The following SLC9A9 variants were observed in gnomAD, a reference collection of about 807,000 sequenced individuals.
The protein encoded by SLC9A9 is sodium/hydrogen exchanger 9.
Under a neutral mutation model 77.8 loss-of-function variants are expected in SLC9A9, and 62 were observed. The observed-to-expected ratio is 0.80, with a 90% confidence interval of 0.65 to 0.98. The LOEUF is 0.98. SLC9A9 is among the 50% of genes least tolerant of loss of function. SLC9A9 has a pLI of 0.00. For missense variants in SLC9A9, 775 were observed against 774.9 expected (o/e 1.00, Z 0.00); for synonymous variants, 320 against 283.5 (o/e 1.13, Z -1.29).
At chr3:143,403,915 G>T (rs542578047) in intron 12 of SLC9A9, among the ~76,000 whole-genome samples, 1 of 151,778 alleles carries the variant, frequency 6.6e-6, no homozygotes, top group Non-Finnish European at 1.5e-5. Flanking sequence ...ATTTTTTTCT[G>T]CCCTTTCTCT....
chr3:143,693,233 T>A lies in SLC9A9; in HGVS notation c.608A>T (p.Asp203Val). 1 of 1,613,224 alleles carries A rather than the reference T, an allele frequency of 6.2e-7. No homozygotes were observed. The highest frequency in any genetic ancestry group is 8.5e-7 in the Non-Finnish European group (1 of 1,179,520). The change falls in exon 5 of 16, where the codon GAC (aspartate) becomes GTC (valine). Residue 203 changes from aspartate (D) to valine (V), a missense_variant. Transcript: ENST00000316549. ...QLKNGDFHFT[D>V]CLFFGSLMSA... ...CATCAGTGAACCAAAAAATAAACAGTCAGTGAAATGAAAGTCTCCATTTTT... is the reference window on the plus strand; with the variant it reads ...CATCAGTGAACCAAAAAATAAACAGACAGTGAAATGAAAGTCTCCATTTTT...
chr3:143,466,901 A>G, intron 12 of SLC9A9, 136 bp downstream of exon 12: 1 of 1,081,734 alleles, frequency 9.2e-7, no homozygotes, highest in Non-Finnish European at 1.4e-6. Context: ...TCACCTTATG[A>G]GTGAAGGTCA....
chr3:143,556,560 A>G (rs567142663), intron 8 of SLC9A9, among the ~76,000 whole-genome samples: 1 of 152,218 alleles, frequency 6.6e-6, no homozygotes, highest in South Asian at 2.1e-4. Context: ...TCTGGATCCT[A>G]GCCCAGTGGT....
chr3:143,741,830 T>C (rs763769285), intron 4 of SLC9A9, among the ~76,000 whole-genome samples: 3 of 152,166 alleles, frequency 2.0e-5, no homozygotes, highest in Non-Finnish European at 4.4e-5. Flanking sequence ...CTTAACTGAC[T>C]CCATCTTTCT....
At chr3:143,698,828 T>C (rs977406543) in intron 4 of SLC9A9, among the ~76,000 whole-genome samples, 1 of 152,158 alleles carries the variant, frequency 6.6e-6, no homozygotes, top group Non-Finnish European at 1.5e-5. Context: ...ACCAGTCCCA[T>C]TAACTGTCAG....
intron 14 of SLC9A9, among the ~76,000 whole-genome samples, chr3:143,319,951 A>G (rs1398145832): frequency 6.6e-6 from 1 of 152,144 alleles, no homozygotes; most frequent in East Asian, 1.9e-4. Context: ...TTGGCATGTT[A>G]TATGGGCTGG....
In SLC9A9 at chr3:143,467,025, G is replaced by A. The variant is rs774605432; in HGVS notation, c.1469+12C>T. On this transcript the variant is annotated intron_variant, in intron 12 of 15. Coordinates refer to ENST00000316549, the MANE Select transcript of SLC9A9 (RefSeq NM_173653.4). ...CTCATAATGATTTCCTTTGCTAGAC[G>A]GTGTCACTCACCTGATCTGAAGCCA... 9.3e-6 allele frequency: 15 copies of A among 1,612,398 alleles called. No homozygotes were observed. The South Asian group carries it at 1.3e-4, about 14-fold the overall frequency.
intron 14 of SLC9A9, among the ~76,000 whole-genome samples, chr3:143,361,836 ATT>A (rs2032763538): frequency 6.6e-6 from 1 of 152,008 alleles, no homozygotes; most frequent in African/African-American, 2.4e-5. Flanking sequence ...TTCCACTTTT[ATT>A]TTCTTGTCTT....
intron 6 of SLC9A9, among the ~76,000 whole-genome samples, chr3:143,606,434 C>CTATATATATATATATATATATATATA (rs1427549304): frequency 1.9e-5 from 1 of 52,938 alleles, no homozygotes; most frequent in Admixed American, 2.3e-4. Context: ...CTCTCTCTCT[C>CTATATATATATATATATATATATATA]TCTATATATA....
chr3:143,352,940 C>A (rs2032498048), intron 14 of SLC9A9, among the ~76,000 whole-genome samples: 1 of 152,190 alleles, frequency 6.6e-6, no homozygotes, highest in Non-Finnish European at 1.5e-5. Flanking sequence ...TAAAGTGCTG[C>A]ATTGGTTTCC....
chr3:143,733,924 C>T (rs1194991311), intron 4 of SLC9A9, among the ~76,000 whole-genome samples: 1 of 152,126 alleles, frequency 6.6e-6, no homozygotes, highest in South Asian at 2.1e-4. Context: ...AGACTGGGCA[C>T]AGTGGCTAAT....
intron 12 of SLC9A9, among the ~76,000 whole-genome samples, chr3:143,404,169 T>C (rs1289651486): frequency 9.2e-6 from 1 of 108,250 alleles, no homozygotes; most frequent in Non-Finnish European, 2.0e-5. Flanking sequence ...TGTATAATTT[T>C]TCTTTTTTCT....
rs1440209530 is a variant in SLC9A9 at position 143,266,933 on chromosome 3, G to A, written c.1711-4C>T. 2 of 1,613,558 alleles carry A rather than the reference G, an allele frequency of 1.2e-6. No homozygotes were observed. The highest frequency in any genetic ancestry group is 1.7e-6 in the Non-Finnish European group (2 of 1,179,754). On this transcript the variant is annotated splice_polypyrimidine_tract_variant and splice_region_variant and intron_variant, in intron 15 of 15. Transcript: ENST00000316549. ...CATCATCCTCTTTTAGCTGTTCCTGGTTGGGAAAAGAGAGAGAGGTGTCAC... is the reference window on the plus strand; with the variant it reads ...CATCATCCTCTTTTAGCTGTTCCTGATTGGGAAAAGAGAGAGAGGTGTCAC...
intron 4 of SLC9A9, among the ~76,000 whole-genome samples, chr3:143,710,762 A>T (rs1344532058): frequency 2.6e-5 from 4 of 152,222 alleles, no homozygotes; most frequent in African/African-American, 9.6e-5. Flanking sequence ...AAAACTTGTG[A>T]TTTGAATATA....
chr3:143,693,420 C>A, intron 4 of SLC9A9, 113 bp from the exon 5 acceptor site: 1 of 854,712 alleles, frequency 1.2e-6, no homozygotes, highest in Non-Finnish European at 2.0e-6. Flanking sequence ...GCACAAATTG[C>A]CACCATCCTG....
chr3:143,423,463 C>T (rs1454606919), intron 12 of SLC9A9, among the ~76,000 whole-genome samples: 1 of 152,140 alleles, frequency 6.6e-6, no homozygotes, highest in East Asian at 1.9e-4. Flanking sequence ...CCCAAAACAT[C>T]TCATTGCACC....
chr3:143,602,181 G>A (rs529251668), intron 6 of SLC9A9, among the ~76,000 whole-genome samples: 4 of 152,340 alleles, frequency 2.6e-5, no homozygotes, highest in South Asian at 2.1e-4. Flanking sequence ...TCAGCCAAGA[G>A]TTAGAGGCGA....
intron 14 of SLC9A9, among the ~76,000 whole-genome samples, chr3:143,284,280 C>A (rs1184353962): frequency 6.6e-6 from 1 of 152,148 alleles, no homozygotes; most frequent in Non-Finnish European, 1.5e-5. Context: ...TAAAGTGGCA[C>A]TTGGAGTCCC....
At chr3:143,752,853 T>C (rs2006782794) in intron 4 of SLC9A9, among the ~76,000 whole-genome samples, 2 of 152,228 alleles carry the variant, frequency 1.3e-5, no homozygotes, top group South Asian at 2.1e-4. Flanking sequence ...AAGAAGTGGC[T>C]CCTTAGAGAC....
Sources: gnomAD v4.1 joint callset for allele counts (sites outside exome capture counted in the v4.1 genomes callset) on GRCh38, gnomAD v4.1.1 for gene constraint, MANE v1.5 for transcripts, NCBI Gene and HGNC (gene_info 2026-07-23, HGNC 2026-07-21) for gene names.